The following TEX9 variants were observed in gnomAD, a reference collection of about 807,000 sequenced individuals.
TEX9 encodes the protein testis-expressed protein 9.
A neutral mutation model predicts 59.6 loss-of-function variants in TEX9; 74 were observed. The observed-to-expected ratio is 1.24, with a 90% CI of 1.03 to 1.51. The LOEUF (loss-of-function observed/expected upper bound fraction) is 1.51. Among genes scored for constraint, TEX9 ranks in the 40% most tolerant of loss-of-function variants. The pLI is 0.00. For missense variants in TEX9, 522 were observed against 447.8 expected (o/e 1.17, Z -1.49); for synonymous variants, 186 against 152.2 (o/e 1.22, Z -1.64).
chr15:56,355,329 G>A (rs537739945), intron 1 of TEX9, among the ~76,000 whole-genome samples: 1 of 152,290 alleles, frequency 6.6e-6, no homozygotes, highest in Non-Finnish European at 1.5e-5. Flanking sequence ...TCTATATGGT[G>A]TGATATATGG....
At chr15:56,347,433 G>A (rs776840141) in intron 1 of TEX9, among the ~76,000 whole-genome samples, 1 of 151,988 alleles carries the variant, frequency 6.6e-6, no homozygotes, top group Non-Finnish European at 1.5e-5. Context: ...AGAAAAATAT[G>A]CCTAATTGAT....
intron 1 of TEX9, among the ~76,000 whole-genome samples, chr15:56,284,639 C>G (rs1443602154): frequency 3.3e-5 from 5 of 152,154 alleles, no homozygotes. Flanking sequence ...ATTTCTCTCT[C>G]CAAACATGCC....
At chr15:56,380,282 A>G (rs1257676776) in intron 3 of TEX9, among the ~76,000 whole-genome samples, 5 of 152,194 alleles carry the variant, frequency 3.3e-5, no homozygotes, top group Non-Finnish European at 7.4e-5. Context: ...ATAAACAAAC[A>G]TGCAAAAAGA....
At chr15:56,310,055 T>C (rs2045573598) in intron 1 of TEX9, among the ~76,000 whole-genome samples, 1 of 152,166 alleles carries the variant, frequency 6.6e-6, no homozygotes, top group African/African-American at 2.4e-5. Context: ...TAAATTCCTC[T>C]GGCAGCCTTG....
intron 9 of TEX9, among the ~76,000 whole-genome samples, chr15:56,407,083 T>TTGTG (rs141670179): frequency 2.7e-5 from 4 of 150,698 alleles, no homozygotes; most frequent in East Asian, 1.9e-4. Flanking sequence ...GTTATAGTGT[T>TTGTG]TGTGTGTGTG....
intron 1 of TEX9, among the ~76,000 whole-genome samples, chr15:56,322,884 G>A (rs1198943892): frequency 2.6e-5 from 4 of 152,140 alleles, no homozygotes; most frequent in African/African-American, 9.7e-5. Flanking sequence ...TGGGAATGAT[G>A]CTAAGAGTAT....
chr15:56,261,943 G>A (rs2044279318), intron 1 of TEX9, among the ~76,000 whole-genome samples: 3 of 152,282 alleles, frequency 2.0e-5, no homozygotes, highest in Middle Eastern at 3.4e-3. Flanking sequence ...CCATGGTGCT[G>A]TACTGACGAA....
intron 9 of TEX9, among the ~76,000 whole-genome samples, chr15:56,398,765 G>T (rs2048609059): frequency 6.6e-6 from 1 of 152,134 alleles, no homozygotes; most frequent in Non-Finnish European, 1.5e-5. Context: ...TTTGTAGGGG[G>T]AGAATTTTTT....
At chr15:56,336,508 C>T (rs1172077314) in intron 1 of TEX9, among the ~76,000 whole-genome samples, 4 of 152,156 alleles carry the variant, frequency 2.6e-5, no homozygotes, top group Non-Finnish European at 5.9e-5. Flanking sequence ...ACCATGTTGG[C>T]ACACTGATTT....
chr15:56,456,385 C>T, the TEX9 span: 1 of 1,596,286 alleles, frequency 6.3e-7, no homozygotes, highest in African/African-American at 1.4e-5. Context: ...TTTAGAGAAA[C>T]CAAGATACCT....
intron 10 of TEX9, among the ~76,000 whole-genome samples, chr15:56,414,335 T>G (rs1330063319): frequency 4.6e-5 from 7 of 151,698 alleles, no homozygotes; most frequent in African/African-American, 1.7e-4. Context: ...ATATATTTCA[T>G]CACCTAGGTA....
chr15:56,377,852 G>T (rs1358796611), intron 3 of TEX9, among the ~76,000 whole-genome samples: 1 of 152,018 alleles, frequency 6.6e-6, no homozygotes, highest in Admixed American at 6.6e-5. Context: ...ACTAGCTGTG[G>T]GTCTGTCATA....
chr15:56,336,416 C>T (rs1368004955), intron 1 of TEX9, among the ~76,000 whole-genome samples: 1 of 152,130 alleles, frequency 6.6e-6, no homozygotes, highest in Non-Finnish European at 1.5e-5. Flanking sequence ...CATGTTATAT[C>T]TCCCAATATT....
intron 12 of TEX9, chr15:56,443,608 C>T (rs774223626): frequency 1.6e-5 from 26 of 1,593,982 alleles, no homozygotes; most frequent in Non-Finnish European, 2.1e-5. Flanking sequence ...CAGAATTTTA[C>T]TAGTGTTAAA....
chr15:56,379,536 G>A (rs2047625234), intron 3 of TEX9, among the ~76,000 whole-genome samples: 1 of 152,190 alleles, frequency 6.6e-6, no homozygotes, highest in Non-Finnish European at 1.5e-5. Context: ...TGGATGAAAT[G>A]TTCTGTAAAT....
intron 1 of TEX9, among the ~76,000 whole-genome samples, chr15:56,352,155 C>T (rs2141880238): frequency 6.6e-6 from 1 of 152,294 alleles, no homozygotes; most frequent in Non-Finnish European, 1.5e-5. Flanking sequence ...AGGAATTTGG[C>T]ATGTGCAATT....
chr15:56,282,219 G>A (rs1361177673), intron 1 of TEX9, among the ~76,000 whole-genome samples: 1 of 152,092 alleles, frequency 6.6e-6, no homozygotes, highest in Non-Finnish European at 1.5e-5. Context: ...AAAATTATTT[G>A]TATTTCTTAA....
At chr15:56,394,896 A>C in intron 9 of TEX9, 62 bp downstream of exon 9, 2 of 1,479,106 alleles carry the variant, frequency 1.4e-6, no homozygotes, top group South Asian at 1.3e-5. Context: ...TTAAGGTTAC[A>C]CATTTGTATA....
At chr15:56,389,062 C>A (rs1168323925) in intron 5 of TEX9, among the ~76,000 whole-genome samples, 3 of 152,018 alleles carry the variant, frequency 2.0e-5, no homozygotes, top group Admixed American at 2.0e-4. Flanking sequence ...TTATTCATGA[C>A]ATTCCACTGG....
Sources: gnomAD v4.1 joint callset for allele counts (sites outside exome capture counted in the v4.1 genomes callset) on GRCh38, gnomAD v4.1.1 for gene constraint, MANE v1.5 for transcripts, NCBI Gene and HGNC (gene_info 2026-07-23, HGNC 2026-07-21) for gene names.